Variants in SLC24A3 observed in about 807,000 individuals in gnomAD.
The protein encoded by SLC24A3 is solute carrier family 24 member 3.
Under a neutral mutation model 75.8 loss-of-function variants are expected in SLC24A3, and 28 were observed. That is an observed-to-expected ratio of 0.37 (90% confidence interval 0.27 to 0.51). SLC24A3 has a LOEUF of 0.51. SLC24A3 is among the 20% of genes least tolerant of loss of function. SLC24A3 has a pLI of 0.94. For synonymous variants in SLC24A3, 372 were observed against 334.1 expected (o/e 1.11, Z -1.24); for missense variants, 663 against 847.8 (o/e 0.78, Z 2.71).
intron 2 of SLC24A3, among the ~76,000 whole-genome samples, chr20:19,485,826 C>A (rs1466958469): frequency 6.6e-6 from 1 of 152,154 alleles, no homozygotes; most frequent in Non-Finnish European, 1.5e-5. Context: ...CAAAGTGCCC[C>A]CCATGGGAGA....
At chr20:19,644,351 G>A (rs1323067404) in intron 6 of SLC24A3, among the ~76,000 whole-genome samples, 2 of 152,116 alleles carry the variant, frequency 1.3e-5, no homozygotes, top group African/African-American at 4.8e-5. Context: ...ATAAACCCTT[G>A]AGTCACCTGG....
chr20:19,639,836 T>C (rs1422040032), intron 6 of SLC24A3, among the ~76,000 whole-genome samples: 6 of 152,236 alleles, frequency 3.9e-5, no homozygotes, highest in Admixed American at 6.5e-5. Context: ...CTGGCACTGC[T>C]GGGGGACCCA....
intron 3 of SLC24A3, among the ~76,000 whole-genome samples, chr20:19,579,165 T>C (rs2031182717): frequency 6.6e-6 from 1 of 152,174 alleles, no homozygotes; most frequent in Non-Finnish European, 1.5e-5. Context: ...TGGTGGATAT[T>C]TGGACAAAAC....
intron 2 of SLC24A3, among the ~76,000 whole-genome samples, chr20:19,317,594 C>T (rs1182352126): frequency 6.6e-6 from 1 of 152,316 alleles, no homozygotes; most frequent in East Asian, 1.9e-4. Context: ...AGCTTCCCAT[C>T]CCCCGCCCCA....
intron 1 of SLC24A3, among the ~76,000 whole-genome samples, chr20:19,236,920 C>T (rs921044004): frequency 5.3e-5 from 8 of 152,110 alleles, no homozygotes; most frequent in African/African-American, 1.9e-4. Flanking sequence ...GTTTATAAAC[C>T]TCACTCTATT....
intron 2 of SLC24A3, among the ~76,000 whole-genome samples, chr20:19,295,797 A>G (rs569113204): frequency 4.6e-5 from 7 of 151,562 alleles, no homozygotes; most frequent in Admixed American, 1.3e-4. Flanking sequence ...CATCAGGGAT[A>G]TTGGCCTTAA....
intron 15 of SLC24A3, among the ~76,000 whole-genome samples, chr20:19,701,532 A>G (rs566395569): frequency 1.3e-5 from 2 of 152,276 alleles, no homozygotes; most frequent in East Asian, 3.9e-4. Flanking sequence ...CTTCGCAGTT[A>G]ACACAACCTA....
chr20:19,531,221 A>G (rs977560025), intron 3 of SLC24A3, among the ~76,000 whole-genome samples: 3 of 152,228 alleles, frequency 2.0e-5, no homozygotes, highest in Non-Finnish European at 4.4e-5. Flanking sequence ...TTTCAGTCAC[A>G]AATGGACCCA....
At chr20:19,489,899 T>A (rs1381978964) in intron 2 of SLC24A3, among the ~76,000 whole-genome samples, 1 of 152,172 alleles carries the variant, frequency 6.6e-6, no homozygotes, top group Non-Finnish European at 1.5e-5. Flanking sequence ...ATAATGGAGT[T>A]GAATGTTGCC....
At chr20:19,513,468 T>C (rs2122556092) in intron 2 of SLC24A3, among the ~76,000 whole-genome samples, 1 of 152,360 alleles carries the variant, frequency 6.6e-6, no homozygotes, top group East Asian at 1.9e-4. Flanking sequence ...CAATAAATGC[T>C]CACTGTTGTC....
chr20:19,678,637 G>A (rs2032563661), intron 9 of SLC24A3, among the ~76,000 whole-genome samples: 1 of 134,020 alleles, frequency 7.5e-6, no homozygotes, highest in Middle Eastern at 3.5e-3. Context: ...GCCCCGGGCG[G>A]GGGGCTGACC....
At chr20:19,541,824 C>T (rs1214820399) in intron 3 of SLC24A3, among the ~76,000 whole-genome samples, 3 of 152,246 alleles carry the variant, frequency 2.0e-5, no homozygotes, top group Non-Finnish European at 4.4e-5. Flanking sequence ...GGGTCCATCT[C>T]TCCTCTCACA....
intron 2 of SLC24A3, among the ~76,000 whole-genome samples, chr20:19,368,123 C>T (rs1261528167): frequency 2.0e-5 from 3 of 152,074 alleles, no homozygotes; most frequent in African/African-American, 4.8e-5. Context: ...TGTGTGTCCA[C>T]GTGCATGCAC....
intron 2 of SLC24A3, among the ~76,000 whole-genome samples, chr20:19,477,491 G>T (rs1193077246): frequency 7.9e-5 from 12 of 152,250 alleles, no homozygotes; most frequent in Admixed American, 5.9e-4. Flanking sequence ...TCATTACCCA[G>T]AAGTATTTTT....
At position 19,602,872 on chromosome 20, in the gene SLC24A3, C is replaced by T. The variant is rs372889415; in HGVS notation, c.612+17328C>T. On this transcript the variant is annotated intron_variant, in intron 6 of 16. Coordinates refer to ENST00000328041, the MANE Select transcript of SLC24A3 (RefSeq NM_020689.4). ...GGGAGTTGAAAGCCAGCCACATGTCCGGCAAGCAGACCACTCTCTGCTACC... is the reference window on the plus strand; with the variant it reads ...GGGAGTTGAAAGCCAGCCACATGTCTGGCAAGCAGACCACTCTCTGCTACC... 1.5e-4 allele frequency among the ~76,000 whole-genome samples: 23 copies of T among 152,298 alleles called. 1 individual carries two copies. In the East Asian group the frequency reaches 2.1e-3, roughly 14 times the overall value.
At chr20:19,677,444 TC>T (rs1218210029) in intron 9 of SLC24A3, among the ~76,000 whole-genome samples, 1 of 152,172 alleles carries the variant, frequency 6.6e-6, no homozygotes, top group Non-Finnish European at 1.5e-5. Flanking sequence ...GGAGGCCTTT[TC>T]ACTAACAGGA....
At chr20:19,275,437 T>A (rs1731946637) in intron 1 of SLC24A3, among the ~76,000 whole-genome samples, 1 of 152,214 alleles carries the variant, frequency 6.6e-6, no homozygotes, top group Admixed American at 6.5e-5. Context: ...TTAAACCTCT[T>A]ATCAGAGAGC....
chr20:19,369,657 T>G (rs904789540), intron 2 of SLC24A3, among the ~76,000 whole-genome samples: 1 of 152,172 alleles, frequency 6.6e-6, no homozygotes, highest in Admixed American at 6.5e-5. Context: ...GAAAATACAC[T>G]AAAATACTTA....
Position 19,289,823 on chromosome 20 carries a change from T to TA in SLC24A3, c.271+8737dup, listed in dbSNP as rs1298579017. 3.3e-5 allele frequency among the ~76,000 whole-genome samples: 5 copies of TA among 152,206 alleles called. No individual in the cohort carries two copies. The South Asian group carries it at 1.0e-3, about 32-fold the overall frequency. ...TTCTTCAATCTCTTACTGAGATTGT[T>TA]ACACAGATAATCTTATTTTGCAGAT... On this transcript the variant is annotated intron_variant, in intron 2 of 16. Transcript: ENST00000328041.
Sources: allele counts gnomAD v4.1 joint callset (sites outside exome capture counted in the v4.1 genomes callset), GRCh38; gene constraint gnomAD v4.1.1; transcripts MANE v1.5; gene names NCBI Gene and HGNC (gene_info 2026-07-23, HGNC 2026-07-21).